The following GPC6 variants were observed in gnomAD, a reference collection of about 807,000 sequenced individuals.
GPC6 encodes glypican-6.
Under a neutral mutation model 55.2 loss-of-function variants are expected in GPC6, and 14 were observed. That is an observed-to-expected ratio of 0.25 (90% CI 0.17 to 0.40). The LOEUF is 0.40. Among genes scored for constraint, GPC6 ranks in the 10% least tolerant of loss-of-function variants. The probability of loss-of-function intolerance (pLI) is 1.00; values close to 1 mark genes in which losing one functional copy is unlikely to be tolerated. For synonymous variants in GPC6, 278 were observed against 259.6 expected (o/e 1.07, Z -0.68); for missense variants, 641 against 708.5 (o/e 0.90, Z 1.08).
At chr13:94,293,732 A>G (rs535808637) in intron 5 of GPC6, among the ~76,000 whole-genome samples, 182 of 152,314 alleles carry the variant, frequency 1.2e-3, no homozygotes, top group African/African-American at 4.3e-3. Context: ...GAGATTAAGT[A>G]GCAAGCCTGA....
chr13:93,897,079 T>G (rs777790100), intron 3 of GPC6, among the ~76,000 whole-genome samples: 16 of 152,040 alleles, frequency 1.1e-4, no homozygotes, highest in Non-Finnish European at 1.8e-4. Context: ...TTATGTTTTT[T>G]TATTTTAAAA....
At chr13:93,807,873 A>C (rs981873995) in intron 2 of GPC6, among the ~76,000 whole-genome samples, 4 of 152,242 alleles carry the variant, frequency 2.6e-5, no homozygotes, top group African/African-American at 9.6e-5. Flanking sequence ...ATTCAGTGCT[A>C]TGCTGTCTTC....
At position 93,227,445 on chromosome 13, in the gene GPC6, G is replaced by T; in HGVS notation, c.-12G>T. ...CCGTGGGGTTTACCGAGCTGGATTT[G>T]TATGTTGCACCATGCCTTCTTGGAT... is the stretch of plus-strand genomic sequence containing the variant. On this transcript the variant is annotated 5_prime_UTR_variant, in exon 1 of 9. Transcript: ENST00000377047. The surrounding 1 kb of genome is among the most constrained non-coding windows in gnomAD (Gnocchi z 4.3). 6.2e-7 allele frequency: 1 copy of T among 1,613,502 alleles called. No homozygotes were observed. The highest frequency in any genetic ancestry group is 8.5e-7 in the Non-Finnish European group (1 of 1,179,550).
intron 3 of GPC6, among the ~76,000 whole-genome samples, chr13:93,837,517 G>A (rs1030531787): frequency 1.3e-5 from 2 of 152,150 alleles, no homozygotes; most frequent in African/African-American, 2.4e-5. Context: ...GCTCAGTCCT[G>A]ATCAGTAAAC....
At chr13:93,555,808 A>G (rs1165354911) in intron 2 of GPC6, among the ~76,000 whole-genome samples, 1 of 152,190 alleles carries the variant, frequency 6.6e-6, no homozygotes, top group Non-Finnish European at 1.5e-5. Flanking sequence ...GTTCAACACC[A>G]GAGATGACCA....
chr13:94,287,691 G>A (rs895242264), intron 5 of GPC6, among the ~76,000 whole-genome samples: 1 of 152,156 alleles, frequency 6.6e-6, no homozygotes, highest in Non-Finnish European at 1.5e-5. Flanking sequence ...TGGGGAAATA[G>A]CACATTTGGG....
intron 1 of GPC6, among the ~76,000 whole-genome samples, chr13:93,523,651 T>G (rs576377867): frequency 2.0e-5 from 3 of 152,154 alleles, no homozygotes; most frequent in South Asian, 2.1e-4. Context: ...ACACAGCTCC[T>G]AAGTTGAAAG....
intron 2 of GPC6, among the ~76,000 whole-genome samples, chr13:93,613,530 A>AACACACACACAC (rs10573990): frequency 1.4e-5 from 2 of 139,912 alleles, no homozygotes; most frequent in South Asian, 2.2e-4. Context: ...ACACACACAA[A>AACACACACACAC]ACACACACAC....
intron 3 of GPC6, among the ~76,000 whole-genome samples, chr13:93,967,159 G>T (rs1219015864): frequency 1.3e-5 from 2 of 152,104 alleles, no homozygotes; most frequent in African/African-American, 4.8e-5. Flanking sequence ...TTTCATTTAC[G>T]CAAGCATTTG....
chr13:94,191,592 A>G (rs1889396433), intron 4 of GPC6, among the ~76,000 whole-genome samples: 1 of 148,516 alleles, frequency 6.7e-6, no homozygotes, highest in South Asian at 2.1e-4. Flanking sequence ...GCAGGAAACA[A>G]GAAATATCTT....
intron 2 of GPC6, among the ~76,000 whole-genome samples, chr13:93,691,522 C>T (rs909567745): frequency 1.5e-4 from 22 of 150,652 alleles, no homozygotes; most frequent in Middle Eastern, 3.4e-3. Context: ...ACCTGTTTGA[C>T]GCTAATCTGA....
At chr13:94,351,408 G>A (rs1042173866) in intron 6 of GPC6, among the ~76,000 whole-genome samples, 1 of 151,992 alleles carries the variant, frequency 6.6e-6, no homozygotes, top group Non-Finnish European at 1.5e-5. Flanking sequence ...TGCTGATTCT[G>A]AAAGAGACTG....
At chr13:94,188,216 C>T (rs763878063) in intron 4 of GPC6, among the ~76,000 whole-genome samples, 2 of 152,258 alleles carry the variant, frequency 1.3e-5, no homozygotes, top group South Asian at 2.1e-4. Context: ...GCTTTAATGA[C>T]GCTGAGCCCA....
Position 93,526,439 on chromosome 13 carries a change from A to G in GPC6, c.161-18824A>G, listed in dbSNP as rs186825014. On this transcript the variant is annotated intron_variant, in intron 1 of 8. Coordinates refer to ENST00000377047, the MANE Select transcript of GPC6 (RefSeq NM_005708.5). ...ATTGTGCAGGAGCCCTGAGAAGGCA[A>G]ACTTAGTAATCCAGATCACAGAAGT... Among the ~76,000 whole-genome samples, 7 of 152,172 alleles carry G rather than the reference A, an allele frequency of 4.6e-5. No homozygotes were observed. In the East Asian group the frequency reaches 1.2e-3, roughly 25 times the overall value.
At chr13:93,604,002 A>G (rs774654883) in intron 2 of GPC6, among the ~76,000 whole-genome samples, 3 of 152,234 alleles carry the variant, frequency 2.0e-5, no homozygotes, top group Non-Finnish European at 2.9e-5. Context: ...TTGATTTTCA[A>G]ATAGGGAAAT....
At chr13:94,049,434 C>T (rs1226172407) in intron 4 of GPC6, among the ~76,000 whole-genome samples, 1 of 152,012 alleles carries the variant, frequency 6.6e-6, no homozygotes, top group Non-Finnish European at 1.5e-5. Context: ...GTGGTAATAA[C>T]AAATAATTTG....
intron 1 of GPC6, among the ~76,000 whole-genome samples, chr13:93,370,983 C>T (rs1000521505): frequency 9.2e-5 from 14 of 152,138 alleles, no homozygotes; most frequent in African/African-American, 2.6e-4. Flanking sequence ...ATTGAAAAGA[C>T]GGTTTGTGGA....
In GPC6 at chr13:93,945,951, C is replaced by G. The variant is rs116333176; in HGVS notation, c.712-81778C>G. The stretch of plus-strand genomic sequence containing the variant: ...ATTGCATAATAGATGTCAAAATACT[C>G]GACGTTTTTTCTTTTCTACTCACAA... On this transcript the variant is annotated intron_variant, in intron 3 of 8. Coordinates refer to ENST00000377047, the MANE Select transcript of GPC6 (RefSeq NM_005708.5). Among the ~76,000 whole-genome samples, 948 of 152,240 alleles carry G rather than the reference C, an allele frequency of 6.2e-3. 7 individuals carry two copies. Among genetic ancestry groups the G allele is most frequent in the African/African-American group, 0.021 (893 of 41,536 alleles).
At chr13:94,386,954 T>G (rs1050124085) in intron 7 of GPC6, among the ~76,000 whole-genome samples, 1 of 152,240 alleles carries the variant, frequency 6.6e-6, no homozygotes, top group African/African-American at 2.4e-5. Flanking sequence ...TTTCAAATGT[T>G]AACATTTCTG....
Sources: allele counts gnomAD v4.1 joint callset (sites outside exome capture counted in the v4.1 genomes callset), GRCh38; gene constraint gnomAD v4.1.1; non-coding constraint Gnocchi (gnomAD v3.1); transcripts MANE v1.5; gene names NCBI Gene and HGNC (gene_info 2026-07-23, HGNC 2026-07-21).